Variants in MELTF observed in about 807,000 individuals in gnomAD.
MELTF encodes melanotransferrin, also known as antigen p97 (melanoma associated) identified by monoclonal antibodies 133.2 and 96.5.
In MELTF, 67 loss-of-function variants were observed where a neutral mutation model predicts 83.7. The ratio of observed to expected loss-of-function variants is 0.80; its 90% CI spans 0.66 to 0.98. The LOEUF is 0.98. Ranked by LOEUF, MELTF falls within the 50% of genes least tolerant of loss-of-function variation. The probability of loss-of-function intolerance (pLI) is 0.00; values close to 1 mark genes in which losing one functional copy is unlikely to be tolerated. For missense variants in MELTF, 1,002 were observed against 1,035.6 expected (o/e 0.97, Z 0.44); for synonymous variants, 462 against 447.6 (o/e 1.03, Z -0.41).
Position 197,003,559 on chromosome 3 carries a change from G to A in MELTF, c.2138-108C>T. On this transcript the variant is annotated intron_variant, in intron 15 of 15. Transcript: ENST00000296350. This position sits in a 1 kb window ranked among gnomAD's most constrained non-coding sequence, Gnocchi z 6.2. Reference sequence around the variant, plus strand: ...GGCATCTTTCGGGACCGAACTCGCCGCAGCCTCCCTCTTTGTGCTCCTTTC... The same window carrying A: ...GGCATCTTTCGGGACCGAACTCGCCACAGCCTCCCTCTTTGTGCTCCTTTC... 5 of 781,854 alleles carry A rather than the reference G, an allele frequency of 6.4e-6. No individual in the cohort carries two copies. Among genetic ancestry groups the A allele is most frequent in the Admixed American group, 4.5e-5 (1 of 22,000 alleles). 48.4% of individuals were successfully genotyped at this position (781,854 alleles called of 1,614,324 possible).
chr3:197,009,113 G>A, intron 11 of MELTF, 148 bp from the exon 12 acceptor site: 4 of 900,942 alleles, frequency 4.4e-6, no homozygotes, highest in Non-Finnish European at 6.7e-6. Context: ...AGCTCTGAGT[G>A]GAGTGTCTCC....
At position 197,029,691 on chromosome 3, in the gene MELTF, C is replaced by G. The variant is rs935459108; in HGVS notation, c.12G>C (p.Pro4=). Reference sequence around the variant, plus strand: ...CCAGGAGCAGCCACAGAGCCCCGCTCGGACCCCGCATGGCGCCGTCGGGGC... The same window carrying G: ...CCAGGAGCAGCCACAGAGCCCCGCTGGGACCCCGCATGGCGCCGTCGGGGC... MRG[P]SGALWLLLAL... is the part of the protein sequence containing the mutation. Residue 4 remains proline, a synonymous_variant, in exon 1 of 16, where the codon CCG becomes CCC. Coordinates refer to ENST00000296350, the MANE Select transcript of MELTF (RefSeq NM_005929.6). The surrounding 1 kb of genome is among the most constrained non-coding windows in gnomAD (Gnocchi z 6.5). The G allele has an allele frequency of 1.6e-6, 2 of 1,244,004 alleles. No homozygotes were observed. The highest frequency in any genetic ancestry group is 2.0e-6 in the Non-Finnish European group (2 of 995,060). The allele number at this position is 1,244,004 out of a possible 1,614,324, so 77.1% of individuals were successfully genotyped here. A position where few individuals can be genotyped will look rare whatever the true frequency, so the allele number is the denominator to read the frequency against.
rs747877817 is a variant in MELTF at position 197,008,881 on chromosome 3, C to T, written c.1610G>A (p.Gly537Glu). 21 of 1,614,080 alleles carry T rather than the reference C, an allele frequency of 1.3e-5. No individual in the cohort carries two copies. Among genetic ancestry groups the T allele is most frequent in the Non-Finnish European group, 1.8e-5 (21 of 1,180,040 alleles). Residue 537 changes from glycine (G) to glutamate (E), a missense_variant, in exon 12 of 16, where the codon GGG becomes GAG. Physicochemically the swap from Gly to Glu is moderately conservative, Grantham distance 98 (BLOSUM62 -2). Coordinates refer to ENST00000296350, the MANE Select transcript of MELTF (RefSeq NM_005929.6). This position sits in a 1 kb window ranked among gnomAD's most constrained non-coding sequence, Gnocchi z 5.4. The part of the protein sequence containing the change: ...YPSSLCALCV[G>E]DEQGRNKCVG... ...ACACTTGTTGCGGCCCTGCTCGTCC[C>T]CCACGCACAGTGCACACAGCGAGGA...
At position 197,023,172 on chromosome 3, in the gene MELTF, C is replaced by A. The variant is rs187490243; in HGVS notation, c.488-59G>T. On this transcript the variant is annotated intron_variant, in intron 4 of 15. Coordinates refer to ENST00000296350, the MANE Select transcript of MELTF (RefSeq NM_005929.6). Reference sequence around the variant, plus strand: ...AACTTTCTTCAGAGCCAAGCCAAGCCCCCAGGGTCAGCAGGGGGCCCGGGC... The same window carrying A: ...AACTTTCTTCAGAGCCAAGCCAAGCACCCAGGGTCAGCAGGGGGCCCGGGC... 26 of 1,582,700 alleles carry A rather than the reference C, an allele frequency of 1.6e-5. No homozygotes were observed. In the East Asian group the frequency reaches 3.6e-4, roughly 22 times the overall value.
At position 197,006,806 on chromosome 3, in the gene MELTF, T is replaced by G. The variant is rs1190659894; in HGVS notation, c.1751-70A>C. 1 of 1,374,340 alleles carries G rather than the reference T, an allele frequency of 7.3e-7. No homozygotes were observed. Among genetic ancestry groups the G allele is most frequent in the Non-Finnish European group, 9.5e-7 (1 of 1,051,452 alleles). 85.1% of individuals were successfully genotyped at this position (1,374,340 alleles called of 1,614,324 possible). A position where few individuals can be genotyped will look rare whatever the true frequency, so the allele number is the denominator to read the frequency against. On this transcript the variant is annotated intron_variant, in intron 13 of 15. Transcript: ENST00000296350. The surrounding 1 kb of genome is among the most constrained non-coding windows in gnomAD (Gnocchi z 5.4). ...AGAGAAGTGTAAAGAGAAGCTGCTA[T>G]CCTGGGACCCCAAGGCCTTCACCAC...
intron 6 of MELTF, among the ~76,000 whole-genome samples, chr3:197,017,606 G>A (rs569421214): frequency 5.3e-5 from 8 of 152,342 alleles, no homozygotes; most frequent in South Asian, 2.1e-4. Flanking sequence ...GGCCGGGCGT[G>A]GTGGCTCACG....
Position 197,024,505 on chromosome 3 carries a change from G to A in MELTF, c.305-20C>T. On this transcript the variant is annotated intron_variant, in intron 3 of 15. Transcript: ENST00000296350. This position sits in a 1 kb window ranked among gnomAD's most constrained non-coding sequence, Gnocchi z 5.3. ...CGACCTCTAGGAGGGGAGGGGAGTG[G>A]GTGAGGGCAGCAGGGAGAGGCCTCG... The A allele has an allele frequency of 6.4e-7, 1 of 1,555,840 alleles. No individual in the cohort carries two copies. The highest frequency in any genetic ancestry group is 8.7e-7 in the Non-Finnish European group (1 of 1,143,726).
intron 4 of MELTF, chr3:197,023,759 T>G: frequency 6.7e-6 from 3 of 450,510 alleles, no homozygotes; most frequent in South Asian, 4.7e-5. Flanking sequence ...GAGTAGATAT[T>G]TAATAAATAT....
At chr3:197,023,257 G>T in intron 4 of MELTF, 144 bp from the exon 5 acceptor site, 1 of 853,742 alleles carries the variant, frequency 1.2e-6, no homozygotes, top group Non-Finnish European at 1.8e-6. Context: ...AGCAAAGCTG[G>T]GGAGTGGACC....
At chr3:197,021,914 C>A (rs1461928064) in intron 5 of MELTF, among the ~76,000 whole-genome samples, 1 of 152,100 alleles carries the variant, frequency 6.6e-6, no homozygotes, top group Non-Finnish European at 1.5e-5. Context: ...AGTGCAGTGG[C>A]GCAATCATAG....
At chr3:197,021,835 G>A (rs961471172) in intron 5 of MELTF, among the ~76,000 whole-genome samples, 1 of 152,204 alleles carries the variant, frequency 6.6e-6, no homozygotes, top group East Asian at 1.9e-4. Context: ...TCAGGGCGTC[G>A]GTTTTCTGTG....
In MELTF at chr3:197,016,200, C is replaced by T; in HGVS notation, c.1070G>A (p.Cys357Tyr). Reference protein sequence around the residue: ...EYLHAMKGLLCDPNRLPPYLR... With the variant: ...EYLHAMKGLLYDPNRLPPYLR... The stretch of plus-strand genomic sequence containing the variant: ...ACAGGTGGACTTACGGTTGGGGTCA[C>T]AGAGCAGACCCTTCATGGCGTGCAG... Residue 357 changes from cysteine to tyrosine, a missense_variant, in exon 8 of 16, where the codon TGT (cysteine) becomes TAT (tyrosine). Coordinates refer to ENST00000296350, the MANE Select transcript of MELTF (RefSeq NM_005929.6). 2 of 1,547,750 alleles carry T rather than the reference C, an allele frequency of 1.3e-6. No homozygotes were observed. The highest frequency in any genetic ancestry group is 1.7e-6 in the Non-Finnish European group (2 of 1,145,684).
In MELTF at chr3:197,024,165, G is replaced by A. The variant is rs45460999; in HGVS notation, c.487+138C>T. The A allele has an allele frequency of 4.5e-6, 4 of 894,380 alleles. No individual in the cohort carries two copies. Among genetic ancestry groups the A allele is most frequent in the African/African-American group, 1.7e-5 (1 of 59,574 alleles). The allele number at this position is 894,380 out of a possible 1,614,324, so 55.4% of individuals were successfully genotyped here. On this transcript the variant is annotated intron_variant, in intron 4 of 15. Coordinates refer to ENST00000296350, the MANE Select transcript of MELTF (RefSeq NM_005929.6). The surrounding 1 kb of genome is among the most constrained non-coding windows in gnomAD (Gnocchi z 5.3). Reference sequence around the variant, plus strand: ...AGTGGAGGCGGGGGAGGCACGGGGCGGGCGGGGGCTGCTGCGCCTTCCAGG... The same window carrying A: ...AGTGGAGGCGGGGGAGGCACGGGGCAGGCGGGGGCTGCTGCGCCTTCCAGG...
chr3:197,019,944 T>C (rs1719554917), intron 6 of MELTF: 1 of 1,233,570 alleles, frequency 8.1e-7, no homozygotes, highest in African/African-American at 1.5e-5. Flanking sequence ...GGGAGATAAC[T>C]AGCAGGGGCC....
intron 9 of MELTF, among the ~76,000 whole-genome samples, chr3:197,013,529 T>A (rs1560214844): frequency 6.6e-6 from 1 of 152,176 alleles, no homozygotes; most frequent in East Asian, 1.9e-4. Context: ...GGGAATTGTA[T>A]CAAACAAACA....
intron 14 of MELTF, among the ~76,000 whole-genome samples, chr3:197,005,290 C>T (rs1718936669): frequency 6.6e-6 from 1 of 152,190 alleles, no homozygotes; most frequent in African/African-American, 2.4e-5. Context: ...GCTAAAGTTG[C>T]TCTTAATTGA....
chr3:197,010,941 C>T, intron 9 of MELTF, 147 bp from the exon 10 acceptor site: 1 of 685,604 alleles, frequency 1.5e-6, no homozygotes, highest in South Asian at 1.7e-5. Context: ...GGGAGTACCC[C>T]ATCCTGGCAG....
rs754180944 is a variant in MELTF at position 197,003,957 on chromosome 3, C to A, written c.2081G>T (p.Gly694Val). 9 of 1,614,122 alleles carry A rather than the reference C, an allele frequency of 5.6e-6. No individual in the cohort carries two copies. Among genetic ancestry groups the A allele is most frequent in the Non-Finnish European group, 6.8e-6 (8 of 1,180,020 alleles). The change falls in exon 15 of 16, where the codon GGG becomes GTG. Residue 694 changes from glycine to valine, a missense_variant. By Grantham distance (109) the Gly-to-Val change is moderately radical (BLOSUM62 -3). Coordinates refer to ENST00000296350, the MANE Select transcript of MELTF (RefSeq NM_005929.6). This position sits in a 1 kb window ranked among gnomAD's most constrained non-coding sequence, Gnocchi z 6.2. ...TTCCAGCGCCGCCACGTAGTCCAGC[C>A]CCAGCCAGCCGCGGTAGGTGGTTTT... The part of the protein sequence containing the change: ...GEKTTYRGWL[G>V]LDYVAALEGM...
At position 197,003,188 on chromosome 3, in the gene MELTF, C is replaced by T. The variant is rs1162245219; in HGVS notation, c.*184G>A. On this transcript the variant is annotated 3_prime_UTR_variant, in exon 16 of 16. Coordinates refer to ENST00000296350, the MANE Select transcript of MELTF (RefSeq NM_005929.6). The surrounding 1 kb of genome is among the most constrained non-coding windows in gnomAD (Gnocchi z 6.2). ...CGGTTGGCGGGAAGGGCCGCGCGGG[C>T]CCGGGGGCGGCGCCTCAGGTAGCAG... The T allele has an allele frequency of 4.8e-5, 28 of 589,322 alleles. No individual in the cohort carries two copies. The highest frequency in any genetic ancestry group is 5.6e-5 in the Non-Finnish European group (26 of 464,572). The allele number at this position is 589,322 out of a possible 1,614,324, so 36.5% of individuals were successfully genotyped here.
Sources: allele counts gnomAD v4.1 joint callset (sites outside exome capture counted in the v4.1 genomes callset), GRCh38; gene constraint gnomAD v4.1.1; non-coding constraint Gnocchi (gnomAD v3.1); transcripts MANE v1.5; gene names NCBI Gene and HGNC (gene_info 2026-07-23, HGNC 2026-07-21).